MCTP1: variants seen among roughly 807,000 people sequenced by gnomAD.
MCTP1 encodes multiple C2 and transmembrane domain-containing protein 1.
MCTP1 carries 69 observed loss-of-function variants against 120.6 expected under a neutral mutation model. That is an observed-to-expected ratio of 0.57 (90% CI 0.47 to 0.70). The LOEUF is 0.70. Among genes scored for constraint, MCTP1 ranks in the 30% least tolerant of loss-of-function variants. The pLI is 0.00. For synonymous variants in MCTP1, 529 were observed against 493.1 expected (o/e 1.07, Z -0.96); for missense variants, 1,203 against 1,248.8 (o/e 0.96, Z 0.55).
At position 94,721,996 on chromosome 5, in the gene MCTP1, C is replaced by T. The variant is rs1027276167; in HGVS notation, c.2611-7110G>A. Among the ~76,000 whole-genome samples, 6 of 151,864 alleles carry T rather than the reference C, an allele frequency of 4.0e-5. 1 individual carries two copies. Among genetic ancestry groups the T allele is most frequent in the African/African-American group, 1.2e-4 (5 of 41,366 alleles). The stretch of plus-strand genomic sequence containing the variant: ...ATTCTATACAATATTTCTAAAAGCT[C>T]TCTTACTAGGTTTTAAATAGTCCCT... On this transcript the variant is annotated intron_variant, in intron 19 of 22. Transcript: ENST00000515393.
chr5:94,995,372 C>T (rs955171162), intron 2 of MCTP1, among the ~76,000 whole-genome samples: 1 of 152,182 alleles, frequency 6.6e-6, no homozygotes, highest in Non-Finnish European at 1.5e-5. Context: ...ATATCTACAA[C>T]TACCCCTTTT....
rs1754015640 is a variant in MCTP1, at chr5:94,704,051, AAG to A, written c.*3443_*3444del. The stretch of plus-strand genomic sequence containing the variant: ...GAGTTACACCAATCATCCCAGGAAA[AAG>A]AATTATAATTGAAAGGAATGACACT... On this transcript the variant is annotated 3_prime_UTR_variant, in exon 23 of 23. Coordinates refer to ENST00000515393, the MANE Select transcript of MCTP1 (RefSeq NM_024717.7). The A allele has an allele frequency of 6.6e-6, 1 of 151,498 alleles. No individual in the cohort carries two copies. Among genetic ancestry groups the A allele is most frequent in the South Asian group, 2.1e-4 (1 of 4,824 alleles). 9.4% of individuals were successfully genotyped at this position (151,498 alleles called of 1,614,324 possible).
chr5:94,939,860 A>C (rs535558891), intron 5 of MCTP1, among the ~76,000 whole-genome samples: 1 of 152,160 alleles, frequency 6.6e-6, no homozygotes, highest in African/African-American at 2.4e-5. Flanking sequence ...ATTCAAATCT[A>C]TTTCTTATTT....
intron 2 of MCTP1, among the ~76,000 whole-genome samples, chr5:95,010,144 T>A (rs1277485438): frequency 6.6e-6 from 1 of 152,306 alleles, no homozygotes; most frequent in East Asian, 1.9e-4. Flanking sequence ...CTAATAGTTA[T>A]ACAAGTGTTT....
intron 1 of MCTP1, among the ~76,000 whole-genome samples, chr5:95,102,216 G>C (rs1222462973): frequency 6.6e-6 from 1 of 152,078 alleles, no homozygotes; most frequent in Admixed American, 6.6e-5. Context: ...TTGAAAACTT[G>C]CCTATGTGAA....
chr5:94,783,675 T>C (rs1777042940), intron 18 of MCTP1, among the ~76,000 whole-genome samples: 1 of 152,136 alleles, frequency 6.6e-6, no homozygotes, highest in Non-Finnish European at 1.5e-5. Flanking sequence ...ATACTAATTA[T>C]TGCTTTTTAA....
At chr5:94,801,657 A>G (rs1781263563) in intron 17 of MCTP1, among the ~76,000 whole-genome samples, 1 of 152,160 alleles carries the variant, frequency 6.6e-6, no homozygotes, top group Admixed American at 6.6e-5. Context: ...TTAACCTATT[A>G]AGCAGATATG....
At chr5:94,959,581 C>A (rs1290604546) in intron 2 of MCTP1, among the ~76,000 whole-genome samples, 1 of 152,216 alleles carries the variant, frequency 6.6e-6, no homozygotes, top group African/African-American at 2.4e-5. Flanking sequence ...TCTCAGGATA[C>A]AAAGTCAATG....
intron 2 of MCTP1, among the ~76,000 whole-genome samples, chr5:94,984,510 CAG>C (rs1426718473): frequency 2.6e-5 from 4 of 152,146 alleles, no homozygotes; most frequent in African/African-American, 9.6e-5. Context: ...ACTCAGTTAA[CAG>C]AGAGTCTTGA....
intron 1 of MCTP1, among the ~76,000 whole-genome samples, chr5:95,259,356 CT>C (rs1389483684): frequency 6.6e-6 from 1 of 152,118 alleles, no homozygotes; most frequent in Non-Finnish European, 1.5e-5. Context: ...GTGTCAAAAG[CT>C]TTGGTATCCT....
intron 17 of MCTP1, among the ~76,000 whole-genome samples, chr5:94,808,234 C>G (rs1256124015): frequency 6.6e-6 from 1 of 152,132 alleles, no homozygotes; most frequent in Non-Finnish European, 1.5e-5. Context: ...CTGGTTGGTT[C>G]CACTAAAGCT....
intron 19 of MCTP1, among the ~76,000 whole-genome samples, chr5:94,737,123 G>C (rs1764451413): frequency 6.6e-6 from 1 of 152,114 alleles, no homozygotes; most frequent in Admixed American, 6.5e-5. Flanking sequence ...GGAGTACCTG[G>C]GACCAAGGCA....
rs549740721 is a variant in MCTP1, at chr5:94,875,128, A to C, written c.1934-1887T>G. ...AGAAATACATTTTATAGTATCTTAG[A>C]AGGTGATAAATACTATGGGAAAAAA... On this transcript the variant is annotated intron_variant, in intron 12 of 22. Coordinates refer to ENST00000515393, the MANE Select transcript of MCTP1 (RefSeq NM_024717.7). Among the ~76,000 whole-genome samples, 4 of 152,288 alleles carry C rather than the reference A, an allele frequency of 2.6e-5. No homozygotes were observed. The South Asian group carries it at 8.3e-4, about 32-fold the overall frequency.
intron 19 of MCTP1, among the ~76,000 whole-genome samples, chr5:94,724,412 A>ATT (rs34497014): frequency 7.2e-6 from 1 of 138,508 alleles, no homozygotes; most frequent in Non-Finnish European, 1.6e-5. Flanking sequence ...CGTCTGGCTA[A>ATT]TTTTTTTTTT....
intron 19 of MCTP1, among the ~76,000 whole-genome samples, chr5:94,748,655 T>C (rs948692106): frequency 2.0e-5 from 3 of 152,234 alleles, no homozygotes; most frequent in African/African-American, 7.2e-5. Flanking sequence ...TAGTTAACAT[T>C]GCCTTGCACA....
chr5:95,018,977 A>C (rs1215194883), intron 1 of MCTP1, among the ~76,000 whole-genome samples: 2 of 152,074 alleles, frequency 1.3e-5, no homozygotes, highest in Admixed American at 1.3e-4. Flanking sequence ...ACATAAACAC[A>C]TACATATAGG....
chr5:95,248,712 G>A (rs1757071802), intron 1 of MCTP1, among the ~76,000 whole-genome samples: 1 of 152,098 alleles, frequency 6.6e-6, no homozygotes, highest in Non-Finnish European at 1.5e-5. Context: ...ACATAACCAA[G>A]ACAATCCTAA....
intron 1 of MCTP1, among the ~76,000 whole-genome samples, chr5:95,228,513 C>T (rs188692842): frequency 7.2e-4 from 109 of 151,334 alleles, no homozygotes; most frequent in African/African-American, 2.6e-3. Flanking sequence ...GAGACAGTTC[C>T]ATGGGGTCAC....
intron 19 of MCTP1, among the ~76,000 whole-genome samples, chr5:94,736,315 C>G (rs1764220635): frequency 6.6e-6 from 1 of 152,048 alleles, no homozygotes; most frequent in Non-Finnish European, 1.5e-5. Flanking sequence ...ATAGTGAGAA[C>G]CTGTCTGTAT....
Sources: gnomAD v4.1 joint callset for allele counts (sites outside exome capture counted in the v4.1 genomes callset) on GRCh38, gnomAD v4.1.1 for gene constraint, MANE v1.5 for transcripts, NCBI Gene and HGNC (gene_info 2026-07-23, HGNC 2026-07-21) for gene names.